The following TBXAS1 variants were observed in gnomAD, a reference collection of about 807,000 sequenced individuals.
The protein encoded by TBXAS1 is thromboxane A synthase 1.
In TBXAS1, 48 loss-of-function variants were observed where a neutral mutation model predicts 60.7. That is an observed-to-expected ratio of 0.79 (90% CI 0.63 to 1.01). The LOEUF is 1.01. Among genes scored for constraint, TBXAS1 ranks in the 50% least tolerant of loss-of-function variants. TBXAS1 has a pLI of 0.00. For synonymous variants in TBXAS1, 287 were observed against 269.7 expected (o/e 1.06, Z -0.63); for missense variants, 685 against 686.3 (o/e 1.00, Z 0.02).
chr7:139,854,038 G>A (rs966670006), intron 1 of TBXAS1, among the ~76,000 whole-genome samples: 4 of 152,188 alleles, frequency 2.6e-5, no homozygotes, highest in African/African-American at 9.6e-5. Flanking sequence ...TGCATCAGCA[G>A]AGAGGAGAGT....
chr7:139,886,386 AT>A (rs8192818), intron 3 of TBXAS1, among the ~76,000 whole-genome samples: 12,870 of 99,898 alleles, frequency 0.13, 381 homozygotes, highest in African/African-American at 0.21. Context: ...TTGCAGATGA[AT>A]TTTTTTTTTT....
At chr7:140,010,062 A>G (rs1203242170) in intron 10 of TBXAS1, among the ~76,000 whole-genome samples, 1 of 111,610 alleles carries the variant, frequency 9.0e-6, no homozygotes, top group Non-Finnish European at 1.9e-5. Flanking sequence ...CCCGCCCCAC[A>G]CCTGCTCCAC....
intron 3 of TBXAS1, 99 bp downstream of exon 3, chr7:139,875,736 G>A (rs1802183928): frequency 2.8e-6 from 4 of 1,422,948 alleles, no homozygotes; most frequent in Non-Finnish European, 3.0e-6. Flanking sequence ...GAAATGCCAA[G>A]ATTAGGAATG....
intron 9 of TBXAS1, 52 bp downstream of exon 9, chr7:139,962,285 TTTTGTG>T: frequency 6.2e-7 from 1 of 1,606,656 alleles, no homozygotes; most frequent in Non-Finnish European, 8.5e-7. Context: ...GGACAATTGA[TTTTGTG>T]TTTGTGGGAG....
rs11340240 is a variant in TBXAS1 at position 139,784,011 on chromosome 7, G to GTTT, written c.-169+1294_-169+1296dup. On this transcript the variant is annotated intron_variant, in intron 3 of 16. Coordinates refer to the TBXAS1 transcript ENST00000336425. ...CATGCATGCTTGTTTAGTTTTTTTT[G>GTTT]TTTTTTTTTTTTTTGTATTTTTTCC... Among the ~76,000 whole-genome samples the GTTT allele has an allele frequency of 1.2e-4, 16 of 132,076 alleles. 1 individual carries two copies. Among genetic ancestry groups the GTTT allele is most frequent in the South Asian group, 7.3e-4 (3 of 4,106 alleles). The allele number at this position is 132,076 out of a possible 152,430, so 86.6% of individuals were successfully genotyped here.
At chr7:139,982,994 C>T (rs1009079337) in intron 9 of TBXAS1, among the ~76,000 whole-genome samples, 7 of 152,202 alleles carry the variant, frequency 4.6e-5, no homozygotes, top group Admixed American at 6.5e-5. Flanking sequence ...TTGTAATACA[C>T]ATTCTGGGAT....
rs552329444 is a variant in TBXAS1, at chr7:139,802,814, G to GAAGAAGA, written c.-80+15404_-80+15410dup. ...AAAAGAAGAAGAAGAAGAGGAAGAG[G>GAAGAAGA]AAGAAGAAAGAAGAAAGAAGAAGGT... On this transcript the variant is annotated intron_variant, in intron 4 of 16. Coordinates refer to the TBXAS1 transcript ENST00000336425. 1.8e-3 allele frequency among the ~76,000 whole-genome samples: 267 copies of GAAGAAGA among 152,184 alleles called. 1 individual carries two copies. Among genetic ancestry groups the GAAGAAGA allele is most frequent in the African/African-American group, 6.0e-3 (249 of 41,532 alleles).
intron 4 of TBXAS1, among the ~76,000 whole-genome samples, chr7:139,932,517 C>A (rs1337963092): frequency 6.6e-6 from 1 of 151,642 alleles, no homozygotes; most frequent in Admixed American, 6.6e-5. Context: ...CTATTAAACC[C>A]AATTCCACTT....
At chr7:139,928,643 TAG>T (rs150408477) in intron 4 of TBXAS1, among the ~76,000 whole-genome samples, 85 of 152,354 alleles carry the variant, frequency 5.6e-4, no homozygotes, top group African/African-American at 2.0e-3. Context: ...TCCAGATTAA[TAG>T]AGTTTTATTT....
intron 3 of TBXAS1, among the ~76,000 whole-genome samples, chr7:139,892,357 C>T (rs182579893): frequency 1.3e-4 from 20 of 152,248 alleles, no homozygotes; most frequent in Admixed American, 1.1e-3. Context: ...CTTTGGGAGG[C>T]CGAGGCGGGT....
At chr7:139,946,161 C>A (rs374326939) in intron 5 of TBXAS1, among the ~76,000 whole-genome samples, 1 of 152,026 alleles carries the variant, frequency 6.6e-6, no homozygotes, top group Non-Finnish European at 1.5e-5. Flanking sequence ...AGGGAGACCC[C>A]GTTTCTACAA....
At chr7:139,885,442 T>C (rs961224776) in intron 3 of TBXAS1, among the ~76,000 whole-genome samples, 18 of 152,234 alleles carry the variant, frequency 1.2e-4, no homozygotes, top group African/African-American at 4.1e-4. Context: ...TGAATCACTG[T>C]GACATTTGTC....
At chr7:140,006,330 T>C (rs1180592083) in intron 9 of TBXAS1, among the ~76,000 whole-genome samples, 1 of 152,098 alleles carries the variant, frequency 6.6e-6, no homozygotes, top group Non-Finnish European at 1.5e-5. Context: ...AGGCCAAAGA[T>C]GGGGAGCCAG....
At chr7:139,914,285 C>T (rs147379582) in intron 4 of TBXAS1, among the ~76,000 whole-genome samples, 13 of 152,210 alleles carry the variant, frequency 8.5e-5, no homozygotes, top group East Asian at 1.9e-4. Context: ...GATCCTCTCA[C>T]CTTGGCCTCC....
intron 5 of TBXAS1, among the ~76,000 whole-genome samples, chr7:139,939,418 A>T (rs562603292): frequency 6.7e-6 from 1 of 149,772 alleles, no homozygotes; most frequent in African/African-American, 2.5e-5. Context: ...GAGAGATTTC[A>T]TAGAGCCCAT....
intron 4 of TBXAS1, among the ~76,000 whole-genome samples, chr7:139,932,041 C>T (rs776537505): frequency 2.7e-5 from 4 of 149,626 alleles, no homozygotes; most frequent in Non-Finnish European, 5.9e-5. Context: ...AGATGGGGCA[C>T]CTGTAGTCCC....
intron 1 of TBXAS1, among the ~76,000 whole-genome samples, chr7:139,871,915 G>C: frequency 6.6e-6 from 1 of 152,210 alleles, no homozygotes; most frequent in East Asian, 1.9e-4. Flanking sequence ...ATTGGAGAGA[G>C]TGGCATTTTT....
rs1372967348 is a variant in TBXAS1 at position 139,875,621 on chromosome 7, T to C, written c.220T>C (p.Tyr74His). ...WESQMELRKL[Y>H]GPLCGYYLGR... ...AAGCCAAATGGAGCTCAGAAAGCTGTATGGACCTCTGTGTGGGTAAGAAGG... is the reference window on the plus strand; with the variant it reads ...AAGCCAAATGGAGCTCAGAAAGCTGCATGGACCTCTGTGTGGGTAAGAAGG... Residue 74 changes from tyrosine to histidine, a missense_variant, in exon 3 of 13, where the codon TAT becomes CAT. Transcript: ENST00000448866. The C allele has an allele frequency of 4.0e-5, 65 of 1,613,940 alleles. No individual in the cohort carries two copies. Among genetic ancestry groups the C allele is most frequent in the Non-Finnish European group, 5.5e-5 (65 of 1,180,036 alleles).
At chr7:140,019,639 C>A (rs6952262) in intron 12 of TBXAS1, among the ~76,000 whole-genome samples, 1 of 152,024 alleles carries the variant, frequency 6.6e-6, no homozygotes, top group South Asian at 2.1e-4. Flanking sequence ...AGAGGAAACC[C>A]AACTCCTCGA....
Sources: allele counts gnomAD v4.1 joint callset (sites outside exome capture counted in the v4.1 genomes callset), GRCh38; gene constraint gnomAD v4.1.1; transcripts MANE v1.5; gene names NCBI Gene and HGNC (gene_info 2026-07-23, HGNC 2026-07-21).